Variants in MACF1 observed in about 807,000 individuals in gnomAD.
MACF1 encodes microtubule-actin cross-linking factor 1.
Under a neutral mutation model 854.8 loss-of-function variants are expected in MACF1, and 193 were observed. The observed-to-expected ratio is 0.23, with a 90% CI of 0.20 to 0.25. The LOEUF (loss-of-function observed/expected upper bound fraction) is 0.25. MACF1 is among the 10% of genes least tolerant of loss of function. The pLI, the probability that MACF1 is intolerant of heterozygous loss-of-function variation, is 1.00. For missense variants in MACF1, 7,722 were observed against 8,929.1 expected, an observed-to-expected ratio of 0.86 and a Z score of 5.45; for synonymous variants, 3,185 against 3,226.7, an observed-to-expected ratio of 0.99 and a Z score of 0.44.
At chr1:39,224,065 T>G (rs1388508348) in intron 1 of MACF1, among the ~76,000 whole-genome samples, 4 of 152,166 alleles carry the variant, frequency 2.6e-5, no homozygotes, top group Non-Finnish European at 5.9e-5. Flanking sequence ...GATACAGATT[T>G]GGAAATTATC....
At chr1:39,337,053 GT>G in intron 37 of MACF1, 128 bp from the exon 38 acceptor site, 1 of 806,034 alleles carries the variant, frequency 1.2e-6, no homozygotes, top group Non-Finnish European at 1.9e-6. Context: ...TAAACAAAGT[GT>G]TTTATTTTAT....
chr1:39,406,657 C>T (rs1197890500), intron 58 of MACF1, among the ~76,000 whole-genome samples: 3 of 146,242 alleles, frequency 2.1e-5, no homozygotes, highest in African/African-American at 7.8e-5. Context: ...ATCGCTTGAA[C>T]CCAGGAGGCA....
intron 58 of MACF1, among the ~76,000 whole-genome samples, chr1:39,406,843 C>T (rs1190881844): frequency 6.6e-6 from 1 of 151,806 alleles, no homozygotes; most frequent in East Asian, 1.9e-4. Context: ...CCCTGGCATG[C>T]TAAACAGTCT....
intron 52 of MACF1, among the ~76,000 whole-genome samples, chr1:39,376,734 G>C (rs1649755846): frequency 6.6e-6 from 1 of 151,728 alleles, no homozygotes; most frequent in African/African-American, 2.4e-5. Context: ...CTTCCTTTTA[G>C]AGACAGGGTC....
chr1:39,419,708 C>A (rs1643459004), intron 58 of MACF1, among the ~76,000 whole-genome samples: 1 of 152,150 alleles, frequency 6.6e-6, no homozygotes, highest in Non-Finnish European at 1.5e-5. Flanking sequence ...TCTCGGCTCA[C>A]TGAAACCTCC....
intron 33 of MACF1, among the ~76,000 whole-genome samples, chr1:39,323,796 T>C (rs2148456742): frequency 6.6e-6 from 1 of 152,346 alleles, no homozygotes; most frequent in African/African-American, 2.4e-5. Flanking sequence ...AGACTTTCTT[T>C]ATATCCATAC....
At chr1:39,428,403 A>AC in intron 63 of MACF1, 116 bp downstream of exon 63, 1 of 997,140 alleles carries the variant, frequency 1.0e-6, no homozygotes, top group East Asian at 2.6e-5. Context: ...TTTATTTTAT[A>AC]CACAAGTGCA....
At chr1:39,450,233 G>T (rs1644313107) in intron 84 of MACF1, among the ~76,000 whole-genome samples, 1 of 151,970 alleles carries the variant, frequency 6.6e-6, no homozygotes. Context: ...GACCTCAAGT[G>T]ATCCTCCCAC....
At position 39,430,862 on chromosome 1, in the gene MACF1, G is replaced by A. The variant is rs1643866380; in HGVS notation, c.17291G>A (p.Gly5764Glu). Residue 5764 changes from glycine (G) to glutamate (E), a missense_variant, in exon 66 of 101, where the codon GGA (glycine) becomes GAA (glutamate). This residue lies in a region of MACF1 where 2,807 missense variants were observed against 3,235.8 expected (regional missense o/e 0.87). Coordinates refer to ENST00000564288, the MANE Select transcript of MACF1 (RefSeq NM_001394062.1). ...EQYKLVSDTI[G>E]QRVDEIDAAI... ...TACAAACTAGTCAGTGACACTATTG[G>A]ACAAAGGGTGGATGAAATTGATGCT... The A allele has an allele frequency of 6.2e-7, 1 of 1,612,486 alleles. No homozygotes were observed. Among genetic ancestry groups the A allele is most frequent in the Non-Finnish European group, 8.5e-7 (1 of 1,180,018 alleles).
chr1:39,147,460 TTCC>T (rs777369320), intron 2 of MACF1, among the ~76,000 whole-genome samples: 4 of 151,088 alleles, frequency 2.6e-5, no homozygotes, highest in Middle Eastern at 3.4e-3. Context: ...TTTCTTTTCT[TTCC>T]TCTTTTTTCC....
intron 58 of MACF1, among the ~76,000 whole-genome samples, chr1:39,421,876 C>T (rs1474971205): frequency 6.6e-6 from 1 of 152,064 alleles, no homozygotes; most frequent in African/African-American, 2.4e-5. Context: ...AGATCGAGAC[C>T]ATCCTGGCTA....
chr1:39,296,763 GAAGGAAGGAAAAGAAAGAAAGAAAGA>G lies in MACF1; in HGVS notation c.2356-846_2356-821del, dbSNP rs1383756396. 8.2e-4 allele frequency among the ~76,000 whole-genome samples: 60 copies of G among 73,320 alleles called. 1 individual carries two copies. Among genetic ancestry groups the G allele is most frequent in the South Asian group, 2.1e-3 (4 of 1,874 alleles). The allele number at this position is 73,320 out of a possible 152,430, so 48.1% of individuals were successfully genotyped here. Reference sequence around the variant, plus strand: ...GAAAGAAAGAAAGAAAGGAAGGAAGGAAGGAAGGAAAAGAAAGAAAGAAAGAAAGGAAGGAAGGAAAAGAAAGAAAG... The same window carrying G: ...GAAAGAAAGAAAGAAAGGAAGGAAGGAAGGAAGGAAGGAAAAGAAAGAAAG... On this transcript the variant is annotated intron_variant, in intron 20 of 100. Transcript: ENST00000564288.
intron 25 of MACF1, 115 bp from the exon 26 acceptor site, chr1:39,310,716 A>G (rs1646282776): frequency 8.6e-6 from 9 of 1,046,118 alleles, no homozygotes; most frequent in Non-Finnish European, 1.2e-5. Context: ...ATTTAGGATC[A>G]GGTAGGATTA....
intron 72 of MACF1, among the ~76,000 whole-genome samples, chr1:39,440,092 TTTTC>T: frequency 8.5e-6 from 1 of 117,108 alleles, no homozygotes; most frequent in African/African-American, 3.7e-5. Flanking sequence ...TTTTCTTTTC[TTTTC>T]TTTTCTTTTC....
rs905250662 is a variant in MACF1 at position 39,236,568 on chromosome 1, A to G, written c.171+5325A>G. Among the ~76,000 whole-genome samples the G allele has an allele frequency of 4.2e-4, 64 of 152,220 alleles. 1 individual carries two copies. Among genetic ancestry groups the G allele is most frequent in the South Asian group, 2.1e-4 (1 of 4,836 alleles). On this transcript the variant is annotated intron_variant, in intron 2 of 100. Coordinates refer to ENST00000564288, the MANE Select transcript of MACF1 (RefSeq NM_001394062.1). ...TATATACATGGTGTATCTTTCAGCT[A>G]TATTATCACTGGAGGGCAAATATTG... is the stretch of plus-strand genomic sequence containing the variant.
intron 2 of MACF1, among the ~76,000 whole-genome samples, chr1:39,145,281 C>T (rs1229188881): frequency 1.3e-5 from 2 of 152,178 alleles, no homozygotes; most frequent in Non-Finnish European, 2.9e-5. Context: ...TGCTCCACCC[C>T]ACCTTATAAA....
intron 1 of MACF1, among the ~76,000 whole-genome samples, chr1:39,219,047 C>G (rs1198639782): frequency 6.6e-6 from 1 of 152,200 alleles, no homozygotes; most frequent in African/African-American, 2.4e-5. Context: ...TCCCAAAGTG[C>G]TGGGATTACA....
chr1:39,425,722 A>G (rs1445947278), intron 61 of MACF1, among the ~76,000 whole-genome samples: 6 of 152,138 alleles, frequency 3.9e-5, no homozygotes, highest in African/African-American at 1.2e-4. Context: ...TCTCTCTTCT[A>G]TAAAACTTAC....
chr1:39,186,640 C>G (rs983042066), intron 2 of MACF1, among the ~76,000 whole-genome samples: 2 of 151,442 alleles, frequency 1.3e-5, no homozygotes, highest in Admixed American at 1.3e-4. Flanking sequence ...CAGGGTCTCA[C>G]TCTTCCACCC....
Sources: gnomAD v4.1 joint callset for allele counts (sites outside exome capture counted in the v4.1 genomes callset) on GRCh38, gnomAD v4.1.1 for gene constraint, gnomAD v4.1.1 regional missense constraint, MANE v1.5 for transcripts, NCBI Gene and HGNC (gene_info 2026-07-23, HGNC 2026-07-21) for gene names.